The following LINGO2 variants were observed in gnomAD, a reference collection of about 807,000 sequenced individuals.
LINGO2 encodes leucine-rich repeat and immunoglobulin-like domain-containing nogo receptor-interacting protein 2.
Under a neutral mutation model 30.6 loss-of-function variants are expected in LINGO2, and 14 were observed. The ratio of observed to expected loss-of-function variants is 0.46; its 90% CI spans 0.30 to 0.72. The LOEUF (loss-of-function observed/expected upper bound fraction) is 0.72, where lower values mean the gene tolerates loss of function less well. Among genes scored for constraint, LINGO2 ranks in the 30% least tolerant of loss-of-function variants. The pLI is 0.07. For missense variants in LINGO2, 729 were observed against 751.7 expected, an observed-to-expected ratio of 0.97 and a Z score of 0.35; for synonymous variants, 317 against 288.5, an observed-to-expected ratio of 1.10 and a Z score of -1.00.
At chr9:28,241,789 C>T (rs558948608) in intron 4 of LINGO2, among the ~76,000 whole-genome samples, 1 of 152,302 alleles carries the variant, frequency 6.6e-6, no homozygotes, top group Non-Finnish European at 1.5e-5. Context: ...CATCTTTGCT[C>T]TTCTCCAGCC....
chr9:28,970,198 T>C, the LINGO2 span, among the ~76,000 whole-genome samples: 3 of 151,640 alleles, frequency 2.0e-5, no homozygotes, highest in African/African-American at 7.3e-5. Context: ...GCAAAAGAGA[T>C]TGAAAAGAAG....
intron 4 of LINGO2, among the ~76,000 whole-genome samples, chr9:28,030,372 C>T (rs1405941735): frequency 6.6e-6 from 1 of 152,122 alleles, no homozygotes; most frequent in Non-Finnish European, 1.5e-5. Context: ...TGTTGACTAA[C>T]AAGTCAACAC....
chr9:29,102,104 C>T, the LINGO2 span, among the ~76,000 whole-genome samples: 1 of 150,086 alleles, frequency 6.7e-6, no homozygotes. Context: ...TTTTTCGAGA[C>T]CCAGTCTCGC....
At chr9:28,889,437 G>GT in the LINGO2 span, among the ~76,000 whole-genome samples, 3 of 151,114 alleles carry the variant, frequency 2.0e-5, no homozygotes, top group Non-Finnish European at 3.0e-5. Flanking sequence ...TTTTGCTTCA[G>GT]TTTTTTTTTT....
chr9:28,039,461 A>C (rs930651503), intron 4 of LINGO2, among the ~76,000 whole-genome samples: 2 of 152,166 alleles, frequency 1.3e-5, no homozygotes, highest in African/African-American at 2.4e-5. Context: ...ATAAAGCTTA[A>C]CAAAGGAGAT....
intron 4 of LINGO2, among the ~76,000 whole-genome samples, chr9:28,031,151 A>T (rs1823649795): frequency 6.6e-6 from 1 of 152,158 alleles, no homozygotes; most frequent in Non-Finnish European, 1.5e-5. Flanking sequence ...TGAGCCTTCA[A>T]AATGGGAGAA....
chr9:28,217,731 C>T (rs757698461), intron 4 of LINGO2, among the ~76,000 whole-genome samples: 75 of 151,926 alleles, frequency 4.9e-4, no homozygotes, highest in African/African-American at 7.0e-4. Context: ...GGTCTTGGTC[C>T]GAAAGACCCC....
the LINGO2 span, among the ~76,000 whole-genome samples, chr9:29,168,873 T>G: frequency 6.6e-6 from 1 of 152,334 alleles, no homozygotes. Context: ...TACTTATCTA[T>G]TGAAGCATGT....
intron 2 of LINGO2, among the ~76,000 whole-genome samples, chr9:28,383,254 T>TTGTGTGTGTGTGTGTGTGTG (rs3065590): frequency 1.4e-5 from 1 of 73,638 alleles, no homozygotes; most frequent in Non-Finnish European, 4.0e-5. Flanking sequence ...TCACCATTCA[T>TTGTGTGTGTGTGTGTGTGTG]TGTGTGTGTG....
At position 28,034,669 on chromosome 9, in the gene LINGO2, C is replaced by G. The variant is rs189444063; in HGVS notation, c.-86-22264G>C. ...GAGAACAAGGATTTCTCTCTCAGAACAAGTTTTCAGGGATGATAGTTAATG... is the reference window on the plus strand; with the variant it reads ...GAGAACAAGGATTTCTCTCTCAGAAGAAGTTTTCAGGGATGATAGTTAATG... On this transcript the variant is annotated intron_variant, in intron 4 of 5. Coordinates refer to ENST00000379992, the Ensembl canonical transcript of LINGO2. 3.7e-4 allele frequency among the ~76,000 whole-genome samples: 57 copies of G among 152,268 alleles called. No individual in the cohort carries two copies. In the East Asian group the frequency reaches 9.8e-3, roughly 26 times the overall value.
chr9:28,909,909 C>A, the LINGO2 span, among the ~76,000 whole-genome samples: 111,266 of 151,850 alleles, frequency 0.73, 40,973 homozygotes, highest in Non-Finnish European at 0.78. Context: ...TCCCTGAAAG[C>A]AGTAATCAAC....
chr9:28,607,609 A>G (rs561761149), intron 1 of LINGO2, among the ~76,000 whole-genome samples: 2 of 152,120 alleles, frequency 1.3e-5, no homozygotes, highest in Non-Finnish European at 2.9e-5. Flanking sequence ...CATGCTATAG[A>G]TAAGAGTTTC....
At chr9:27,995,331 C>A (rs536356564) in intron 5 of LINGO2, among the ~76,000 whole-genome samples, 1 of 152,246 alleles carries the variant, frequency 6.6e-6, no homozygotes, top group East Asian at 1.9e-4. Context: ...AATACTAATT[C>A]TACTCAAACT....
At chr9:29,058,623 G>A in the LINGO2 span, among the ~76,000 whole-genome samples, 2 of 151,440 alleles carry the variant, frequency 1.3e-5, no homozygotes, top group Admixed American at 6.6e-5. Flanking sequence ...GTCACAACAA[G>A]GATCAAGATA....
intron 4 of LINGO2, among the ~76,000 whole-genome samples, chr9:28,187,319 C>A (rs1819576845): frequency 2.0e-5 from 3 of 151,790 alleles, no homozygotes; most frequent in Admixed American, 6.6e-5. Flanking sequence ...GGTGAAACCC[C>A]ATCTCTGTTA....
At chr9:29,188,639 A>G in the LINGO2 span, among the ~76,000 whole-genome samples, 2 of 151,280 alleles carry the variant, frequency 1.3e-5, no homozygotes, top group African/African-American at 2.4e-5. Context: ...CTCACTTCCC[A>G]GTAGGGGCGG....
chr9:28,327,851 C>A (rs969829221), intron 3 of LINGO2, among the ~76,000 whole-genome samples: 2 of 151,494 alleles, frequency 1.3e-5, no homozygotes, highest in South Asian at 4.2e-4. Flanking sequence ...TATCATTAAA[C>A]GTCTAGTGTA....
chr9:28,092,461 CCG>C (rs1491165164), intron 4 of LINGO2, among the ~76,000 whole-genome samples: 25 of 150,924 alleles, frequency 1.7e-4, no homozygotes, highest in African/African-American at 5.8e-4. Context: ...AAACCAAACA[CCG>C]CATGTTCTCA....
At chr9:28,242,693 T>G (rs547144583) in intron 4 of LINGO2, among the ~76,000 whole-genome samples, 62 of 151,972 alleles carry the variant, frequency 4.1e-4, no homozygotes, top group African/African-American at 1.5e-3. Context: ...AAGGTTGAAA[T>G]GAGGAAAAAA....
Sources: gnomAD v4.1 joint callset for allele counts (sites outside exome capture counted in the v4.1 genomes callset) on GRCh38, gnomAD v4.1.1 for gene constraint, MANE v1.5 for transcripts, NCBI Gene and HGNC (gene_info 2026-07-23, HGNC 2026-07-21) for gene names.